The following SIRPB1 variants were observed in gnomAD, a reference collection of about 807,000 sequenced individuals.
SIRPB1 encodes signal regulatory protein beta 1, also known as signal-regulatory protein beta-1.
SIRPB1 carries 28 observed loss-of-function variants against 34.1 expected under a neutral mutation model. The observed-to-expected ratio is 0.82, with a 90% CI of 0.61 to 1.12. SIRPB1 has a LOEUF of 1.12. SIRPB1 is among the 50% of genes most tolerant of loss of function. The pLI is 0.00. For missense variants in SIRPB1, 499 were observed against 507.0 expected, an observed-to-expected ratio of 0.98 and a Z score of 0.15; for synonymous variants, 211 against 203.8, an observed-to-expected ratio of 1.04 and a Z score of -0.30.
chr20:1,573,714 T>G (rs1297385019), intron 2 of SIRPB1, among the ~76,000 whole-genome samples: 2 of 147,448 alleles, frequency 1.4e-5, no homozygotes, highest in South Asian at 2.1e-4. Context: ...TCCTTCTATT[T>G]GTCAGAGGGG....
chr20:1,602,057 G>A lies in SIRPB1; in HGVS notation c.76+17812C>T, dbSNP rs2091479063. ...ATAAACCCGAAGCAAGCTGCAGATA[G>A]GAATTAATAAAAAAGAGAAGAGAGC... On this transcript the variant is annotated intron_variant, in intron 1 of 5. Coordinates refer to ENST00000381605, the MANE Select transcript of SIRPB1 (RefSeq NM_006065.5). Among the ~76,000 whole-genome samples, 4 of 48,328 alleles carry A rather than the reference G, an allele frequency of 8.3e-5. 2 individuals carry two copies. Among genetic ancestry groups the A allele is most frequent in the Admixed American group, 5.6e-4 (4 of 7,200 alleles). 31.7% of individuals were successfully genotyped at this position (48,328 alleles called of 152,430 possible). A position where few individuals can be genotyped will look rare whatever the true frequency, so the allele number is the denominator to read the frequency against.
rs2091224392 is a variant in SIRPB1, at chr20:1,570,973, C to A, written c.916G>T (p.Asp306Tyr). The A allele has an allele frequency of 6.2e-7, 1 of 1,614,040 alleles. No homozygotes were observed. The highest frequency in any genetic ancestry group is 8.5e-7 in the Non-Finnish European group (1 of 1,180,040). Residue 306 changes from aspartate to tyrosine, a missense_variant, in exon 4 of 6, where the codon GAT becomes TAT. By Grantham distance (160) the Asp-to-Tyr change is radical (BLOSUM62 -3). Transcript: ENST00000381605. ...CAGCTCATCCAGTTGTAGGTGCCATCCTTGTTCTCTATGAGGGTCGAAGCT... is the reference window on the plus strand; with the variant it reads ...CAGCTCATCCAGTTGTAGGTGCCATACTTGTTCTCTATGAGGGTCGAAGCT... ...ETASTLIENK[D>Y]GTYNWMSWLL...
chr20:1,571,821 G>A lies in SIRPB1; in HGVS notation c.650C>T (p.Thr217Ile), dbSNP rs765907722. Reference protein sequence around the residue: ...SIHSTARVVLTRGDVHSQVIC... With the variant: ...SIHSTARVVLIRGDVHSQVIC... ...GACTTGAGAGTGAACGTCCCCACGG[G>A]TCAGCACCACCCTGGCTGTGCTGTG... Residue 217 changes from threonine to isoleucine, a missense_variant, in exon 3 of 6, where the codon ACC becomes ATC. Physicochemically the swap from Thr to Ile is moderately conservative, Grantham distance 89 (BLOSUM62 -1). Coordinates refer to ENST00000381605, the MANE Select transcript of SIRPB1 (RefSeq NM_006065.5). 1 of 1,614,128 alleles carries A rather than the reference G, an allele frequency of 6.2e-7. No homozygotes were observed. The highest frequency in any genetic ancestry group is 1.3e-5 in the African/African-American group (1 of 74,946).
intron 1 of SIRPB1, chr20:1,611,850 C>A: frequency 2.8e-6 from 1 of 354,714 alleles, no homozygotes. Context: ...CACGTATTAT[C>A]TCATTTAACC....
At position 1,569,939 on chromosome 20, in the gene SIRPB1, C is replaced by A. The variant is rs577031258; in HGVS notation, c.1084+866G>T. Among the ~76,000 whole-genome samples, 301 of 152,318 alleles carry A rather than the reference C, an allele frequency of 2.0e-3. 3 individuals carry two copies. The highest frequency in any genetic ancestry group is 3.5e-3 in the Non-Finnish European group (240 of 68,026). ...ATATTTTGGTTATAGAGAGGGGGAA[C>A]ACTGGCCAAATTTGGGTCCTTGGGA... On this transcript the variant is annotated intron_variant, in intron 4 of 5. Transcript: ENST00000381605.
chr20:1,578,505 A>G lies in SIRPB1; in HGVS notation c.266T>C (p.Val89Ala), dbSNP rs1568690989. 6.3e-7 allele frequency: 1 copy of G among 1,583,694 alleles called. No homozygotes were observed. The highest frequency in any genetic ancestry group is 2.2e-5 in the East Asian group (1 of 44,844). Residue 89 changes from valine (V) to alanine (A), a missense_variant, in exon 2 of 6, where the codon GTA (valine) becomes GCA (alanine). Coordinates refer to ENST00000381605, the MANE Select transcript of SIRPB1 (RefSeq NM_006065.5). ...YNQKEGHFPR[V>A]TTVSELTKRN... The stretch of plus-strand genomic sequence containing the variant: ...CTTTGTGAGTTCTGAAACAGTTGTT[A>G]CCCGTGGGAAGTGGCCTTCTTTCTG...
At chr20:1,614,228 T>C (rs1479265632) in intron 1 of SIRPB1, among the ~76,000 whole-genome samples, 2 of 152,208 alleles carry the variant, frequency 1.3e-5, no homozygotes, top group Non-Finnish European at 2.9e-5. Flanking sequence ...CATTAAACCT[T>C]GCCTACAAGA....
chr20:1,618,735 A>G (rs1353937900), intron 1 of SIRPB1, among the ~76,000 whole-genome samples: 2 of 152,202 alleles, frequency 1.3e-5, no homozygotes, highest in Non-Finnish European at 2.9e-5. Flanking sequence ...AGGGATCAGG[A>G]CAGGTAACTT....
chr20:1,619,642 G>C (rs980975868), intron 1 of SIRPB1, among the ~76,000 whole-genome samples: 5 of 152,210 alleles, frequency 3.3e-5, no homozygotes, highest in Admixed American at 3.3e-4. Flanking sequence ...CAAAATGTAA[G>C]TAATTGTTGT....
chr20:1,618,224 G>A (rs896597703), intron 1 of SIRPB1, among the ~76,000 whole-genome samples: 1 of 152,202 alleles, frequency 6.6e-6, no homozygotes, highest in Non-Finnish European at 1.5e-5. Context: ...ATACATCACA[G>A]TTGTAACTCT....
chr20:1,586,445 G>A lies in SIRPB1; in HGVS notation c.77-7751C>T, dbSNP rs949559381. On this transcript the variant is annotated intron_variant, in intron 1 of 5. Coordinates refer to ENST00000381605, the MANE Select transcript of SIRPB1 (RefSeq NM_006065.5). ...AAAAAATGAAATCTCATGTGTGTGC[G>A]TGTACACACTTACACTCACTTATAT... 1.2e-4 allele frequency among the ~76,000 whole-genome samples: 6 copies of A among 49,248 alleles called. 3 individuals are homozygous for A. Among genetic ancestry groups the A allele is most frequent in the South Asian group, 1.4e-3 (2 of 1,428 alleles). The allele number at this position is 49,248 out of a possible 152,430, so 32.3% of individuals were successfully genotyped here.
Position 1,598,829 on chromosome 20 carries a change from C to T in SIRPB1, c.77-20135G>A, listed in dbSNP as rs1351109062. ...TCCATCCCCCACACTTACAGTCAGG[C>T]CTTCTGCTTCCAGTAGACATAGATG... On this transcript the variant is annotated intron_variant, in intron 1 of 5. Coordinates refer to ENST00000381605, the MANE Select transcript of SIRPB1 (RefSeq NM_006065.5). 2 of 516,342 alleles carry T rather than the reference C, an allele frequency of 3.9e-6. 1 individual carries two copies. Among genetic ancestry groups the T allele is most frequent in the Non-Finnish European group, 5.3e-6 (2 of 380,884 alleles). 32.0% of individuals were successfully genotyped at this position (516,342 alleles called of 1,614,324 possible). A position where few individuals can be genotyped will look rare whatever the true frequency, so the allele number is the denominator to read the frequency against.
rs2091106491 is a variant in SIRPB1 at position 1,564,799 on chromosome 20, A to G, written c.*701T>C. 1.3e-5 allele frequency: 5 copies of G among 397,946 alleles called. No homozygotes were observed. The East Asian group carries it at 1.4e-4, about 11-fold the overall frequency. The allele number at this position is 397,946 out of a possible 1,614,324, so 24.7% of individuals were successfully genotyped here. On this transcript the variant is annotated 3_prime_UTR_variant, in exon 6 of 6. Transcript: ENST00000381605. ...TTGGTTTTTCCCTTTCAGAAAGTCCATTGTTAAACATTTACCATCTCATGT... is the reference window on the plus strand; with the variant it reads ...TTGGTTTTTCCCTTTCAGAAAGTCCGTTGTTAAACATTTACCATCTCATGT...
chr20:1,588,666 G>A lies in SIRPB1; in HGVS notation c.77-9972C>T. 3.5e-6 allele frequency: 2 copies of A among 577,016 alleles called. 1 individual carries two copies. The allele number at this position is 577,016 out of a possible 1,614,324, so 35.7% of individuals were successfully genotyped here. ...CCTCAGGAGCCTGCTCTGTTCAAACGTCTGTGGTGGGGAGATGTCAGGCTC... is the reference window on the plus strand; with the variant it reads ...CCTCAGGAGCCTGCTCTGTTCAAACATCTGTGGTGGGGAGATGTCAGGCTC... On this transcript the variant is annotated intron_variant, in intron 1 of 5. Coordinates refer to ENST00000381605, the MANE Select transcript of SIRPB1 (RefSeq NM_006065.5).
chr20:1,594,434 C>T lies in SIRPB1; in HGVS notation c.77-15740G>A, dbSNP rs1202050056. Among the ~76,000 whole-genome samples the T allele has an allele frequency of 1.2e-4, 6 of 48,616 alleles. 3 individuals are homozygous for T. Among genetic ancestry groups the T allele is most frequent in the East Asian group, 1.2e-3 (2 of 1,720 alleles). 31.9% of individuals were successfully genotyped at this position (48,616 alleles called of 152,430 possible). ...GAATTCATTTTCAACTTTAGATTGA[C>T]TTGGTGCAACATGGATAAAATTGGA... On this transcript the variant is annotated intron_variant, in intron 1 of 5. Coordinates refer to ENST00000381605, the MANE Select transcript of SIRPB1 (RefSeq NM_006065.5).
chr20:1,567,071 A>T (rs904958386), intron 4 of SIRPB1, among the ~76,000 whole-genome samples: 2 of 151,948 alleles, frequency 1.3e-5, no homozygotes, highest in Admixed American at 1.3e-4. Context: ...TTTGGATGTT[A>T]AAAGTAACAA....
chr20:1,613,684 G>A (rs200472073), intron 1 of SIRPB1, among the ~76,000 whole-genome samples: 1 of 152,110 alleles, frequency 6.6e-6, no homozygotes, highest in East Asian at 1.9e-4. Context: ...TTGAGACTGA[G>A]GTATTGGTGG....
intron 1 of SIRPB1, among the ~76,000 whole-genome samples, chr20:1,580,166 G>A (rs975157474): frequency 1.3e-5 from 2 of 148,306 alleles, no homozygotes; most frequent in Non-Finnish European, 3.0e-5. Context: ...AGAGCTGTGT[G>A]TCTTCTGGAG....
chr20:1,565,418 A>C lies in SIRPB1; in HGVS notation c.*82T>G, dbSNP rs1385603963. 5.5e-6 allele frequency: 1 copy of C among 182,276 alleles called. No homozygotes were observed. The highest frequency in any genetic ancestry group is 1.3e-4 in the East Asian group (1 of 7,490). 11.3% of individuals were successfully genotyped at this position (182,276 alleles called of 1,614,324 possible). ...CTGGGAGAGGAGGCGTTTGGAGCTG[A>C]GTGTGGGGAAGGTTCTCGCCAGCTC... On this transcript the variant is annotated 3_prime_UTR_variant, in exon 6 of 6. Transcript: ENST00000381605.
Sources: gnomAD v4.1 joint callset for allele counts (sites outside exome capture counted in the v4.1 genomes callset) on GRCh38, gnomAD v4.1.1 for gene constraint, MANE v1.5 for transcripts, NCBI Gene and HGNC (gene_info 2026-07-23, HGNC 2026-07-21) for gene names.